PSMA2: variants seen among roughly 807,000 people sequenced by gnomAD.
PSMA2 encodes the protein proteasome 20S subunit alpha 2, also known as proteasome subunit alpha type-2.
A neutral mutation model predicts 35.9 loss-of-function variants in PSMA2; 2 were observed. The ratio of observed to expected loss-of-function variants is 0.06; its 90% CI spans 0.02 to 0.18. The LOEUF (loss-of-function observed/expected upper bound fraction) is 0.18. PSMA2 is among the 10% of genes least tolerant of loss of function. PSMA2 has a pLI of 1.00. For missense variants in PSMA2, 126 were observed against 278.8 expected, an observed-to-expected ratio of 0.45 and a Z score of 3.90; for synonymous variants, 97 against 98.2, an observed-to-expected ratio of 0.99 and a Z score of 0.07.
chr7:42,924,851 G>A (rs2128674293), intron 3 of PSMA2, 54 bp from the exon 4 acceptor site: 2 of 1,538,508 alleles, frequency 1.3e-6, no homozygotes, highest in African/African-American at 1.4e-5. Context: ...ACTACCTGAA[G>A]ACTCATTCTC....
chr7:42,926,671 T>TA lies in PSMA2; in HGVS notation c.119-4dup, dbSNP rs753748768. On this transcript the variant is annotated splice_polypyrimidine_tract_variant and splice_region_variant and intron_variant, in intron 2 of 7. Transcript: ENST00000223321. ...TGCTAATACCACACCATTTGCAGCT[T>TA]AAAAAAAAAGAGAGAGACATAAATG... 265 of 1,565,008 alleles carry TA rather than the reference T, an allele frequency of 1.7e-4. No individual in the cohort carries two copies. The highest frequency in any genetic ancestry group is 7.7e-4 in the Admixed American group (39 of 50,492).
At chr7:42,919,863 G>T in intron 6 of PSMA2, 1 of 750,250 alleles carries the variant, frequency 1.3e-6, no homozygotes, top group South Asian at 1.3e-5. Flanking sequence ...TGTGAGATTT[G>T]ATCCTGATGG....
intron 1 of PSMA2, chr7:42,930,966 T>C (rs938373979): frequency 2.7e-5 from 8 of 293,108 alleles, no homozygotes; most frequent in Non-Finnish European, 5.4e-5. Flanking sequence ...AACTATTACA[T>C]ACACCCACTG....
intron 5 of PSMA2, 42 bp downstream of exon 5, chr7:42,923,283 G>A (rs2128674036): frequency 7.1e-7 from 1 of 1,407,286 alleles, no homozygotes; most frequent in South Asian, 1.2e-5. Context: ...TATTCAAAGA[G>A]CACTTTTAAC....
At chr7:42,919,855 T>A in intron 6 of PSMA2, 1 of 748,398 alleles carries the variant, frequency 1.3e-6, no homozygotes, top group Non-Finnish European at 2.5e-6. Flanking sequence ...ATTCACTGTG[T>A]GAGATTTGAT....
chr7:42,919,259 C>A, intron 6 of PSMA2: 1 of 615,060 alleles, frequency 1.6e-6, no homozygotes, highest in Non-Finnish European at 3.2e-6. Flanking sequence ...AATAAGGATG[C>A]CACCAAAGCA....
In PSMA2 at chr7:42,924,719, C is replaced by T. The variant is rs1396817653; in HGVS notation, c.330G>A (p.Leu110=). The change falls in exon 4 of 8, where the codon CTG becomes CTA. Residue 110 remains leucine, a synonymous_variant. Coordinates refer to ENST00000223321, the MANE Select transcript of PSMA2 (RefSeq NM_002787.5). ...GCATCACAGAAGCTACTCTCTGTACCAGCTGAGCTGTAGGAATGGGTTCTT... is the reference window on the plus strand; with the variant it reads ...GCATCACAGAAGCTACTCTCTGTACTAGCTGAGCTGTAGGAATGGGTTCTT... ...VYQEPIPTAQ[L]VQRVASVMQE... The T allele has an allele frequency of 1.2e-6, 2 of 1,613,250 alleles. No homozygotes were observed. The highest frequency in any genetic ancestry group is 1.7e-4 in the Middle Eastern group (1 of 6,056).
rs955875247 is a variant in PSMA2, at chr7:42,919,236, G to A, written c.531-1401C>T. On this transcript the variant is annotated intron_variant, in intron 6 of 7. Coordinates refer to ENST00000223321, the MANE Select transcript of PSMA2 (RefSeq NM_002787.5). The stretch of plus-strand genomic sequence containing the variant: ...TTTTGGGTCATAAAGATGCTGTCTG[G>A]AATGCAACACTGAATAAGGATGCCA... 4.8e-6 allele frequency: 3 copies of A among 619,382 alleles called. No homozygotes were observed. In the Admixed American group the frequency reaches 5.6e-5, roughly 12 times the overall value. The allele number at this position is 619,382 out of a possible 1,614,324, so 38.4% of individuals were successfully genotyped here. A position where few individuals can be genotyped will look rare whatever the true frequency, so the allele number is the denominator to read the frequency against.
intron 1 of PSMA2, among the ~76,000 whole-genome samples, chr7:42,930,221 ACACG>A (rs1338861348): frequency 4.5e-3 from 16 of 3,572 alleles, no homozygotes; most frequent in Admixed American, 4.8e-3. Flanking sequence ...ACACACACAC[ACACG>A]CACACACACA....
chr7:42,921,352 C>G (rs986198053), intron 6 of PSMA2: 13 of 152,286 alleles, frequency 8.5e-5, no homozygotes, highest in African/African-American at 3.1e-4. Flanking sequence ...TAGAATACAG[C>G]TGGAAATAAG....
rs58198756 is a variant in PSMA2, at chr7:42,924,353, C to CAAAAAAAAAAAAAAAAAAAAA, written c.374+301_374+321dup. Among the ~76,000 whole-genome samples, 2 of 69,422 alleles carry CAAAAAAAAAAAAAAAAAAAAA rather than the reference C, an allele frequency of 2.9e-5. 1 individual carries two copies. The highest frequency in any genetic ancestry group is 1.2e-4 in the African/African-American group (2 of 16,258). 45.5% of individuals were successfully genotyped at this position (69,422 alleles called of 152,430 possible). On this transcript the variant is annotated intron_variant, in intron 4 of 7. Transcript: ENST00000223321. ...TGGGCGACAGAGTGAGACTCTGACT[C>CAAAAAAAAAAAAAAAAAAAAA]AAAAAAAAAAAAAAAAAAAAAAAAA...
chr7:42,923,651 G>A (rs1786160522), intron 4 of PSMA2, among the ~76,000 whole-genome samples: 1 of 152,224 alleles, frequency 6.6e-6, no homozygotes, highest in Non-Finnish European at 1.5e-5. Context: ...AGACACTGGG[G>A]TTAATAAGTG....
chr7:42,927,916 A>C (rs1181079896), intron 1 of PSMA2, among the ~76,000 whole-genome samples: 1 of 151,506 alleles, frequency 6.6e-6, no homozygotes, highest in African/African-American at 2.4e-5. Flanking sequence ...CAAAAAAAAA[A>C]AGAGAAAGAC....
At chr7:42,928,322 T>A (rs1187637339) in intron 1 of PSMA2, among the ~76,000 whole-genome samples, 2 of 152,238 alleles carry the variant, frequency 1.3e-5, no homozygotes, top group East Asian at 1.9e-4. Flanking sequence ...AGAACATGTA[T>A]GTGTCTGTTA....
At chr7:42,920,656 A>C (rs374541010) in intron 6 of PSMA2, 6 of 152,230 alleles carry the variant, frequency 3.9e-5, no homozygotes, top group African/African-American at 1.4e-4. Context: ...TGGAAGACTC[A>C]TTAATATATA....
At position 42,930,217 on chromosome 7, in the gene PSMA2, ACACACACG is replaced by A. The variant is rs67553601; in HGVS notation, c.41+1893_41+1900del. Among the ~76,000 whole-genome samples, 9 of 2,422 alleles carry A rather than the reference ACACACACG, an allele frequency of 3.7e-3. No individual in the cohort carries two copies. The Admixed American group carries it at 0.048, about 13-fold the overall frequency. The allele number at this position is 2,422 out of a possible 152,430, so 1.6% of individuals were successfully genotyped here. Reference sequence around the variant, plus strand: ...ATCCACCATGTTAAAACACACACACACACACACGCACACACACACACACACACACACAA... The same window carrying A: ...ATCCACCATGTTAAAACACACACACACACACACACACACACACACACACAA... On this transcript the variant is annotated intron_variant, in intron 1 of 7. Transcript: ENST00000223321.
At chr7:42,927,096 A>G (rs1786227499) in intron 2 of PSMA2, among the ~76,000 whole-genome samples, 1 of 145,344 alleles carries the variant, frequency 6.9e-6, no homozygotes, top group Non-Finnish European at 1.5e-5. Context: ...AACTGCCAGG[A>G]AGTAGTGATA....
intron 1 of PSMA2, 26 bp downstream of exon 1, chr7:42,932,092 G>A (rs1167288225): frequency 6.2e-7 from 1 of 1,613,884 alleles, no homozygotes; most frequent in African/African-American, 1.3e-5. Context: ...CGACTACGCT[G>A]AAGACCTCGA....
chr7:42,921,836 C>T (rs1195901946), intron 6 of PSMA2, 22 bp downstream of exon 6: 8 of 1,585,558 alleles, frequency 5.0e-6, no homozygotes, highest in Non-Finnish European at 6.9e-6. Context: ...CTAAAGAATG[C>T]AGTTACAATG....
Sources: allele counts gnomAD v4.1 joint callset (sites outside exome capture counted in the v4.1 genomes callset), GRCh38; gene constraint gnomAD v4.1.1; transcripts MANE v1.5; gene names NCBI Gene and HGNC (gene_info 2026-07-23, HGNC 2026-07-21).